The following CAPRIN2 variants were observed in gnomAD, a reference collection of about 807,000 sequenced individuals.
CAPRIN2 encodes caprin-2.
CAPRIN2 carries 66 observed loss-of-function variants against 130.4 expected under a neutral mutation model. That is an observed-to-expected ratio of 0.51 (90% CI 0.42 to 0.62). The LOEUF is 0.62. Among genes scored for constraint, CAPRIN2 ranks in the 20% least tolerant of loss-of-function variants. CAPRIN2 has a pLI of 0.00. For missense variants in CAPRIN2, 1,185 were observed against 1,246.6 expected (o/e 0.95, Z 0.74); for synonymous variants, 471 against 444.1 (o/e 1.06, Z -0.76).
At chr12:30,746,585 CT>C (rs1220393862) in intron 2 of CAPRIN2, among the ~76,000 whole-genome samples, 2 of 134,738 alleles carry the variant, frequency 1.5e-5, no homozygotes, top group African/African-American at 5.0e-5. Flanking sequence ...GAAAGTGCTA[CT>C]CCAGTGAACA....
upstream of CAPRIN2, chr12:30,754,923 A>C (rs2075577692): frequency 6.6e-6 from 1 of 151,242 alleles, no homozygotes; most frequent in Non-Finnish European, 1.5e-5. Flanking sequence ...GGCGCCAGAG[A>C]CCCAGCCGAC....
chr12:30,729,051 T>C, exon 8 of CAPRIN2: 1 of 1,614,180 alleles, frequency 6.2e-7, no homozygotes, highest in Non-Finnish European at 8.5e-7. Flanking sequence ...GGAGATCTCC[T>C]GCTTCTTCTG....
At chr12:30,737,132 A>G (rs2065202413) in intron 3 of CAPRIN2, among the ~76,000 whole-genome samples, 2 of 151,296 alleles carry the variant, frequency 1.3e-5, no homozygotes, top group African/African-American at 2.4e-5. Context: ...AGCCTCCTGA[A>G]TAGCTGGAAC....
chr12:30,729,967 C>A (rs570129910), intron 7 of CAPRIN2, among the ~76,000 whole-genome samples: 4 of 152,300 alleles, frequency 2.6e-5, no homozygotes, highest in African/African-American at 9.6e-5. Flanking sequence ...AGTTCGTGTG[C>A]CAGACCAAAT....
chr12:30,725,356 T>A (rs1199330414), intron 9 of CAPRIN2, among the ~76,000 whole-genome samples: 1 of 152,208 alleles, frequency 6.6e-6, no homozygotes, highest in Non-Finnish European at 1.5e-5. Flanking sequence ...TGTTGGAGGT[T>A]AAATAAACAG....
At chr12:30,750,748 G>A (rs2073354073) in intron 2 of CAPRIN2, among the ~76,000 whole-genome samples, 1 of 152,180 alleles carries the variant, frequency 6.6e-6, no homozygotes, top group South Asian at 2.1e-4. Flanking sequence ...CTGAAAGGTA[G>A]AGTATGCCTT....
At chr12:30,715,737 A>C (rs1233345900) in intron 13 of CAPRIN2, 1 of 197,148 alleles carries the variant, frequency 5.1e-6, no homozygotes, top group African/African-American at 2.4e-5. Flanking sequence ...GAGTAAAAGA[A>C]AATGGATTCT....
At position 30,714,462 on chromosome 12, in the gene CAPRIN2, C is replaced by T. The variant is rs184822532; in HGVS notation, c.2500+497G>A. Among the ~76,000 whole-genome samples, 31 of 152,268 alleles carry T rather than the reference C, an allele frequency of 2.0e-4. No individual in the cohort carries two copies. The East Asian group carries it at 2.5e-3, about 12-fold the overall frequency. ...CATCCCAAAGTAATGGGATGACAGG[C>T]GTCAGCCACCACACCCAGCCTGTCT... On this transcript the variant is annotated intron_variant, in intron 14 of 16. Coordinates refer to ENST00000298892, the Ensembl canonical transcript of CAPRIN2.
intron 1 of CAPRIN2, chr12:30,751,769 AC>A (rs1346187070): frequency 7.6e-6 from 1 of 131,800 alleles, no homozygotes; most frequent in African/African-American, 3.1e-5. Context: ...GTACAGAAAC[AC>A]CAAGAATTCT....
chr12:30,730,720 T>C (rs1298129878), intron 6 of CAPRIN2, among the ~76,000 whole-genome samples: 1 of 152,156 alleles, frequency 6.6e-6, no homozygotes, highest in East Asian at 1.9e-4. Flanking sequence ...ACTTAAGCAC[T>C]GCACTTAGTA....
chr12:30,723,368 T>C (rs1737614018), intron 10 of CAPRIN2, 54 bp from the exon 12 acceptor site: 10 of 1,264,218 alleles, frequency 7.9e-6, no homozygotes, highest in Non-Finnish European at 1.1e-5. Flanking sequence ...AGCTTACGCA[T>C]ATCAACTAGG....
intron 3 of CAPRIN2, among the ~76,000 whole-genome samples, chr12:30,737,197 T>G (rs1340385609): frequency 6.7e-6 from 1 of 149,826 alleles, no homozygotes; most frequent in Non-Finnish European, 1.5e-5. Flanking sequence ...AGAGATGAGG[T>G]CTCTCTATGT....
chr12:30,721,003 C>G, intron 11 of CAPRIN2, 88 bp from the exon 13 acceptor site: 1 of 844,138 alleles, frequency 1.2e-6, no homozygotes, highest in Non-Finnish European at 2.0e-6. Context: ...ATATGTTACT[C>G]TTACTGAACA....
intron 15 of CAPRIN2, among the ~76,000 whole-genome samples, chr12:30,712,872 G>C (rs2055663911): frequency 2.0e-5 from 3 of 151,272 alleles, no homozygotes; most frequent in African/African-American, 7.3e-5. Context: ...CTCCTGAGTA[G>C]CTGGGATTAA....
intron 8 of CAPRIN2, among the ~76,000 whole-genome samples, chr12:30,726,889 T>C (rs1205842766): frequency 6.6e-6 from 1 of 152,196 alleles, no homozygotes; most frequent in Non-Finnish European, 1.5e-5. Flanking sequence ...CACTTGACTG[T>C]ACTTAGTCAA....
At position 30,724,309 on chromosome 12, in the gene CAPRIN2, A is replaced by G. The variant is rs563531444; in HGVS notation, c.1987+61T>C. Reference sequence around the variant, plus strand: ...TAAAATAAAATCATTTGAAAAGACAACAACAACAAATAGCTGTTAGCTCAA... The same window carrying G: ...TAAAATAAAATCATTTGAAAAGACAGCAACAACAAATAGCTGTTAGCTCAA... On this transcript the variant is annotated intron_variant, in intron 10 of 16. Coordinates refer to ENST00000298892, the Ensembl canonical transcript of CAPRIN2. The G allele has an allele frequency of 5.0e-4, 491 of 991,390 alleles. 5 individuals carry two copies. The South Asian group carries it at 5.8e-3, about 12-fold the overall frequency. The allele number at this position is 991,390 out of a possible 1,614,324, so 61.4% of individuals were successfully genotyped here.
intron 3 of CAPRIN2, among the ~76,000 whole-genome samples, chr12:30,740,342 C>T (rs1283862109): frequency 2.6e-5 from 4 of 152,046 alleles, no homozygotes; most frequent in Non-Finnish European, 4.4e-5. Flanking sequence ...TCTTATGAGG[C>T]ATGCTCTCCT....
intron 3 of CAPRIN2, among the ~76,000 whole-genome samples, chr12:30,735,503 T>A (rs1291200205): frequency 6.6e-6 from 1 of 152,212 alleles, no homozygotes; most frequent in African/African-American, 2.4e-5. Context: ...GATGTCCATA[T>A]TCATTTCAAC....
chr12:30,736,397 C>CA (rs201366580), intron 3 of CAPRIN2, among the ~76,000 whole-genome samples: 44,111 of 133,150 alleles, frequency 0.33, 7,288 homozygotes, highest in African/African-American at 0.47. Context: ...GATTAAAATA[C>CA]AAAAAAAAAA....
Sources: allele counts gnomAD v4.1 joint callset (sites outside exome capture counted in the v4.1 genomes callset), GRCh38; gene constraint gnomAD v4.1.1; transcripts MANE v1.5; gene names NCBI Gene and HGNC (gene_info 2026-07-23, HGNC 2026-07-21).